The following HOXA2 variants were observed in gnomAD, a reference collection of about 807,000 sequenced individuals.
The protein encoded by HOXA2 is homeobox A2.
Under a neutral mutation model 27.2 loss-of-function variants are expected in HOXA2, and 4 were observed. That is an observed-to-expected ratio of 0.15 (90% confidence interval 0.07 to 0.34). The LOEUF (loss-of-function observed/expected upper bound fraction) is 0.34, where lower values mean the gene tolerates loss of function less well. Among genes scored for constraint, HOXA2 ranks in the 10% least tolerant of loss-of-function variants. The probability of loss-of-function intolerance (pLI) is 1.00; values close to 1 mark genes in which losing one functional copy is unlikely to be tolerated. For synonymous variants in HOXA2, 200 were observed against 202.8 expected (o/e 0.99, Z 0.12); for missense variants, 430 against 473.2 (o/e 0.91, Z 0.85).
In HOXA2 at chr7:27,101,027, A is replaced by G. The variant is rs1401386559; in HGVS notation, c.830T>C (p.Leu277Ser). 1 of 1,614,090 alleles carries G rather than the reference A, an allele frequency of 6.2e-7. No homozygotes were observed. The highest frequency in any genetic ancestry group is 1.7e-5 in the Admixed American group (1 of 60,006). ...GDSQSFPVSP[L>S]TSNEKNLKHF... The stretch of plus-strand genomic sequence containing the variant: ...TTTCAGATTTTTCTCATTGCTGGTT[A>G]AAGGCGAGACTGGGAAACTTTGGGA... The change falls in exon 2 of 2, where the codon TTA becomes TCA. Residue 277 changes from leucine (L) to serine (S), a missense_variant. Transcript: ENST00000222718.
At position 27,102,069 on chromosome 7, in the gene HOXA2, AAG is replaced by A. The variant is rs1211380738; in HGVS notation, c.391+39_391+40del. On this transcript the variant is annotated intron_variant, in intron 1 of 1. Coordinates refer to ENST00000222718, the MANE Select transcript of HOXA2 (RefSeq NM_006735.4). The surrounding 1 kb of genome is among the most constrained non-coding windows in gnomAD (Gnocchi z 4.6). Reference sequence around the variant, plus strand: ...CACTCTCGGGGCAGCCCGGAGAAGGAAGAGGGTCCCAGAGACCTGGGGCCAAG... The same window carrying A: ...CACTCTCGGGGCAGCCCGGAGAAGGAAGGGTCCCAGAGACCTGGGGCCAAG... 51 of 1,604,042 alleles carry A rather than the reference AAG, an allele frequency of 3.2e-5. No homozygotes were observed. The highest frequency in any genetic ancestry group is 4.2e-5 in the Non-Finnish European group (50 of 1,176,560).
chr7:27,102,250 G>C lies in HOXA2; in HGVS notation c.251C>G (p.Pro84Arg), dbSNP rs1355069392. The change falls in exon 1 of 2, where the codon CCG (proline) becomes CGG (arginine). Residue 84 changes from proline (P) to arginine (R), a missense_variant. Pro to Arg is a moderately radical substitution (Grantham distance 103). This residue lies in a region of HOXA2 where 166 missense variants were observed against 207.6 expected (regional missense o/e 0.80). Coordinates refer to ENST00000222718, the MANE Select transcript of HOXA2 (RefSeq NM_006735.4). The surrounding 1 kb of genome is among the most constrained non-coding windows in gnomAD (Gnocchi z 4.6). ...CGGCTGCAGGGCGCCGGCGGGCACC[G>C]GGCTGCCGCGGCTGCCCGCGGGGCT... ...KPSPAGSRGS[P>R]VPAGALQPPE... 2 of 1,500,078 alleles carry C rather than the reference G, an allele frequency of 1.3e-6. No individual in the cohort carries two copies. Among genetic ancestry groups the C allele is most frequent in the Admixed American group, 2.2e-5 (1 of 44,604 alleles). The allele number at this position is 1,500,078 out of a possible 1,614,324, so 92.9% of individuals were successfully genotyped here. A position where few individuals can be genotyped will look rare whatever the true frequency, so the allele number is the denominator to read the frequency against.
chr7:27,101,033 G>C lies in HOXA2; in HGVS notation c.824C>G (p.Ser275Trp), dbSNP rs752029685. The change falls in exon 2 of 2, where the codon TCG becomes TGG. Residue 275 changes from serine to tryptophan, a missense_variant. Physicochemically the swap from Ser to Trp is radical, Grantham distance 177 (BLOSUM62 -3). Around this residue, in one of 4 missense-constraint regions of HOXA2, gnomAD observed 236 missense variants for 208.5 expected, o/e 1.13. Transcript: ENST00000222718. ...ATTTTTCTCATTGCTGGTTAAAGGC[G>C]AGACTGGGAAACTTTGGGAGTCGCC... The part of the protein sequence containing the change: ...HNGDSQSFPV[S>W]PLTSNEKNLK... 20 of 1,614,104 alleles carry C rather than the reference G, an allele frequency of 1.2e-5. No homozygotes were observed. The highest frequency in any genetic ancestry group is 1.4e-5 in the Non-Finnish European group (17 of 1,180,042).
chr7:27,100,627 C>T lies in HOXA2; in HGVS notation c.*99G>A. 1.5e-6 allele frequency: 2 copies of T among 1,348,128 alleles called. No individual in the cohort carries two copies. The highest frequency in any genetic ancestry group is 2.1e-6 in the Non-Finnish European group (2 of 946,730). 83.5% of individuals were successfully genotyped at this position (1,348,128 alleles called of 1,614,324 possible). On this transcript the variant is annotated 3_prime_UTR_variant, in exon 2 of 2. Transcript: ENST00000222718. ...CACTTAAAGGAGGGAAGGGGTAGGTCAAGAAGAAAATAAAAAATAAACTCC... is the reference window on the plus strand; with the variant it reads ...CACTTAAAGGAGGGAAGGGGTAGGTTAAGAAGAAAATAAAAAATAAACTCC...
rs887991299 is a variant in HOXA2, at chr7:27,101,324, G to A, written c.533C>T (p.Ala178Val). ...LCRPRRVEIAALLDLTERQVK... is the reference protein window; with the variant it reads ...LCRPRRVEIAVLLDLTERQVK... ...TTGTCTCTCAGTCAAATCCAGCAGC[G>A]CTGCAATCTCCACCCTTCGGGGTCT... Residue 178 changes from alanine to valine, a missense_variant, in exon 2 of 2, where the codon GCG (alanine) becomes GTG (valine). This residue lies in a region of HOXA2 where 26 missense variants were observed against 41.0 expected (regional missense o/e 0.63). Coordinates refer to ENST00000222718, the MANE Select transcript of HOXA2 (RefSeq NM_006735.4). The A allele has an allele frequency of 1.2e-6, 2 of 1,613,924 alleles. No homozygotes were observed. The highest frequency in any genetic ancestry group is 1.7e-6 in the Non-Finnish European group (2 of 1,180,052).
chr7:27,102,590 AGG>A lies in HOXA2; in HGVS notation c.-92_-91del. ...AGGCCTAGGAAAAAGGCGAGCGCAGAGGAAAAAAAATCTATCATAGAATATCG... is the reference window on the plus strand; with the variant it reads ...AGGCCTAGGAAAAAGGCGAGCGCAGAAAAAAAAATCTATCATAGAATATCG... On this transcript the variant is annotated 5_prime_UTR_variant, in exon 1 of 2. The change abolishes the stop of an existing upstream ORF in the 5' untranslated region. Transcript: ENST00000222718. The surrounding 1 kb of genome is among the most constrained non-coding windows in gnomAD (Gnocchi z 4.6). 3.1e-6 allele frequency: 4 copies of A among 1,311,448 alleles called. No homozygotes were observed. The highest frequency in any genetic ancestry group is 2.4e-5 in the South Asian group (2 of 83,636). 81.2% of individuals were successfully genotyped at this position (1,311,448 alleles called of 1,614,324 possible).
Position 27,101,523 on chromosome 7 carries a change from G to A in HOXA2, c.392-58C>T, listed in dbSNP as rs1337570609. On this transcript the variant is annotated intron_variant, in intron 1 of 1. Coordinates refer to ENST00000222718, the MANE Select transcript of HOXA2 (RefSeq NM_006735.4). ...CACAGTTGGAGGTGGAGGGGTCCGAGCGGGGTTATTCCACTGGAGAATAAA... is the reference window on the plus strand; with the variant it reads ...CACAGTTGGAGGTGGAGGGGTCCGAACGGGGTTATTCCACTGGAGAATAAA... The A allele has an allele frequency of 8.2e-6, 13 of 1,579,012 alleles. No homozygotes were observed. The East Asian group carries it at 2.9e-4, about 35-fold the overall frequency.
Position 27,102,146 on chromosome 7 carries a change from C to CGGT in HOXA2, c.352_354dup (p.Thr118dup). 1 of 1,592,456 alleles carries CGGT rather than the reference C, an allele frequency of 6.3e-7. No homozygotes were observed. The highest frequency in any genetic ancestry group is 8.5e-7 in the Non-Finnish European group (1 of 1,170,000). On this transcript the variant is annotated inframe_insertion, in exon 1 of 2. Coordinates refer to ENST00000222718, the MANE Select transcript of HOXA2 (RefSeq NM_006735.4). The surrounding 1 kb of genome is among the most constrained non-coding windows in gnomAD (Gnocchi z 4.6). ...AGGCAAGCAGGGCCGGTGGCTGCGG[C>CGGT]GGTGGCGGCGGCGGCGGCGGCCGGC...
In HOXA2 at chr7:27,101,424, G is replaced by T; in HGVS notation, c.433C>A (p.Arg145Ser). The T allele has an allele frequency of 1.2e-6, 2 of 1,601,262 alleles. No homozygotes were observed. Among genetic ancestry groups the T allele is most frequent in the Non-Finnish European group, 1.7e-6 (2 of 1,179,954 alleles). Reference sequence around the variant, plus strand: ...GTGTTGGTGTAAGCAGTTCTCAGGCGCCGCGATCCCCCGCCGCTGCCATCG... The same window carrying T: ...GTGTTGGTGTAAGCAGTTCTCAGGCTCCGCGATCCCCCGCCGCTGCCATCG... ...IADGSGGGSR[R>S]LRTAYTNTQL... Residue 145 changes from arginine to serine, a missense_variant, in exon 2 of 2, where the codon CGC (arginine) becomes AGC (serine). By Grantham distance (110) the Arg-to-Ser change is moderately radical. Coordinates refer to ENST00000222718, the MANE Select transcript of HOXA2 (RefSeq NM_006735.4).
At position 27,102,377 on chromosome 7, in the gene HOXA2, G is replaced by T; in HGVS notation, c.124C>A (p.Leu42Ile). ...GGAGGAATCAGTGTCGAGTGTGAAA[G>T]CGTCGAGGTCTTGATTGATGAACTT... ...FQSSSIKTSTLSHSTLIPPPF... is the reference protein window; with the variant it reads ...FQSSSIKTSTISHSTLIPPPF... The change falls in exon 1 of 2, where the codon CTT (leucine) becomes ATT (isoleucine). Residue 42 changes from leucine (L) to isoleucine (I), a missense_variant. By Grantham distance (5) the Leu-to-Ile change is conservative. Coordinates refer to ENST00000222718, the MANE Select transcript of HOXA2 (RefSeq NM_006735.4). The surrounding 1 kb of genome is among the most constrained non-coding windows in gnomAD (Gnocchi z 4.6). 6.2e-7 allele frequency: 1 copy of T among 1,614,180 alleles called. No homozygotes were observed.
chr7:27,102,392 T>C lies in HOXA2; in HGVS notation c.109A>G (p.Ile37Val), dbSNP rs748771086. 1.8e-5 allele frequency: 29 copies of C among 1,613,912 alleles called. No individual in the cohort carries two copies. Among genetic ancestry groups the C allele is most frequent in the East Asian group, 4.5e-5 (2 of 44,870 alleles). The stretch of plus-strand genomic sequence containing the variant: ...GAGTGTGAAAGCGTCGAGGTCTTGA[T>C]TGATGAACTTTGAAATGTATCAGCG... Reference protein sequence around the residue: ...PVADTFQSSSIKTSTLSHSTL... With the variant: ...PVADTFQSSSVKTSTLSHSTL... The change falls in exon 1 of 2, where the codon ATC (isoleucine) becomes GTC (valine). Residue 37 changes from isoleucine to valine, a missense_variant. Coordinates refer to ENST00000222718, the MANE Select transcript of HOXA2 (RefSeq NM_006735.4). The surrounding 1 kb of genome is among the most constrained non-coding windows in gnomAD (Gnocchi z 4.6).
rs1783918523 is a variant in HOXA2, at chr7:27,101,114, C to T, written c.743G>A (p.Gly248Asp). 1 of 1,614,058 alleles carries T rather than the reference C, an allele frequency of 6.2e-7. No individual in the cohort carries two copies. Residue 248 changes from glycine (G) to aspartate (D), a missense_variant, in exon 2 of 2, where the codon GGC becomes GAC. This residue lies in a region of HOXA2 where 236 missense variants were observed against 208.5 expected (regional missense o/e 1.13). Transcript: ENST00000222718. The part of the protein sequence containing the change: ...SVSGALLERE[G>D]YTFQQNALSQ... ...GAGGGCATTTTGCTGAAAAGTGTAGCCTTCCCTCTCCAGAAGGGCCCCAGA... is the reference window on the plus strand; with the variant it reads ...GAGGGCATTTTGCTGAAAAGTGTAGTCTTCCCTCTCCAGAAGGGCCCCAGA...
At chr7:27,101,741 A>G (rs1469430253) in intron 1 of HOXA2, 2 of 661,658 alleles carry the variant, frequency 3.0e-6, no homozygotes, top group Non-Finnish European at 5.5e-6. Flanking sequence ...TTTATAATTA[A>G]TGCGTCAGCT....
chr7:27,101,233 T>G lies in HOXA2; in HGVS notation c.624A>C (p.Gln208His), dbSNP rs1783921125. ...HKRQTQCKEN[Q>H]NSEGKCKSLE... ...GGCTTTTACATTTCCCTTCGCTGTT[T>G]TGGTTTTCCTTGCACTGGGTCTGCC... is the stretch of plus-strand genomic sequence containing the variant. Residue 208 changes from glutamine to histidine, a missense_variant, in exon 2 of 2, where the codon CAA becomes CAC. This residue lies in a region of HOXA2 where 236 missense variants were observed against 208.5 expected (regional missense o/e 1.13). Transcript: ENST00000222718. 6.2e-7 allele frequency: 1 copy of G among 1,614,150 alleles called. No individual in the cohort carries two copies. Among genetic ancestry groups the G allele is most frequent in the African/African-American group, 1.3e-5 (1 of 74,950 alleles).
In HOXA2 at chr7:27,100,824, G is replaced by A; in HGVS notation, c.1033C>T (p.Pro345Ser). The change falls in exon 2 of 2, where the codon CCA becomes TCA. Residue 345 changes from proline (P) to serine (S), a missense_variant. Transcript: ENST00000222718. Reference sequence around the variant, plus strand: ...TCTACGGGACTGTCGAGGGAACCTGGCAAACTGGGTGAAACTGCATCTGAA... The same window carrying A: ...TCTACGGGACTGTCGAGGGAACCTGACAAACTGGGTGAAACTGCATCTGAA... ...QLSDAVSPSL[P>S]GSLDSPVDIS... 1 of 1,614,240 alleles carries A rather than the reference G, an allele frequency of 6.2e-7. No individual in the cohort carries two copies. The highest frequency in any genetic ancestry group is 8.5e-7 in the Non-Finnish European group (1 of 1,180,038).
rs889283388 is a variant in HOXA2, at chr7:27,102,197, T to C, written c.304A>G (p.Lys102Glu). 1.9e-6 allele frequency: 3 copies of C among 1,550,502 alleles called. No homozygotes were observed. The highest frequency in any genetic ancestry group is 2.4e-5 in the East Asian group (1 of 41,348). Residue 102 changes from lysine (K) to glutamate (E), a missense_variant, in exon 1 of 2, where the codon AAG becomes GAG. Transcript: ENST00000222718. This position sits in a 1 kb window ranked among gnomAD's most constrained non-coding sequence, Gnocchi z 4.6. ...PPEYPWMKEKKAAKKTALLPA... is the reference protein window; with the variant it reads ...PPEYPWMKEKEAAKKTALLPA... The stretch of plus-strand genomic sequence containing the variant: ...AGAAGTGCGGTTTTCTTGGCCGCCT[T>C]CTTCTCCTTCATCCAGGGGTACTCG...
rs765075132 is a variant in HOXA2, at chr7:27,101,234, T to C, written c.623A>G (p.Gln208Arg). ...GCTTTTACATTTCCCTTCGCTGTTT[T>C]GGTTTTCCTTGCACTGGGTCTGCCT... The part of the protein sequence containing the change: ...HKRQTQCKEN[Q>R]NSEGKCKSLE... Residue 208 changes from glutamine to arginine, a missense_variant, in exon 2 of 2, where the codon CAA becomes CGA. Gln to Arg is a conservative substitution (Grantham distance 43). This residue lies in a region of HOXA2 where 236 missense variants were observed against 208.5 expected (regional missense o/e 1.13). Transcript: ENST00000222718. 6.2e-7 allele frequency: 1 copy of C among 1,614,248 alleles called. No homozygotes were observed. Among genetic ancestry groups the C allele is most frequent in the Non-Finnish European group, 8.5e-7 (1 of 1,180,044 alleles).
intron 1 of HOXA2, 129 bp from the exon 2 acceptor site, chr7:27,101,594 C>T: frequency 9.4e-7 from 1 of 1,061,774 alleles, no homozygotes; most frequent in Non-Finnish European, 1.4e-6. Context: ...CCCCTGGATG[C>T]AGTAGAGCTA....
chr7:27,100,588 CAG>C lies in HOXA2; in HGVS notation c.*136_*137del. On this transcript the variant is annotated 3_prime_UTR_variant, in exon 2 of 2. Transcript: ENST00000222718. The stretch of plus-strand genomic sequence containing the variant: ...GAAACTGGGTCAGGGAATCACTAAA[CAG>C]AAAATCCTCAACACTTAAAGGAGGG... The C allele has an allele frequency of 1.1e-6, 1 of 908,704 alleles. No homozygotes were observed. The allele number at this position is 908,704 out of a possible 1,614,324, so 56.3% of individuals were successfully genotyped here.
Sources: gnomAD v4.1 joint callset for allele counts on GRCh38, gnomAD v4.1.1 for gene constraint, gnomAD v4.1.1 regional missense constraint, Gnocchi (gnomAD v3.1) non-coding constraint, MANE v1.5 for transcripts, NCBI Gene and HGNC (gene_info 2026-07-23, HGNC 2026-07-21) for gene names.